Variants in LHFPL3 observed in about 807,000 individuals in gnomAD.
LHFPL3 encodes the protein LHFPL tetraspan subfamily member 3.
In LHFPL3, 5 loss-of-function variants were observed where a neutral mutation model predicts 19.3. The observed-to-expected ratio is 0.26, with a 90% confidence interval of 0.14 to 0.54. LHFPL3 has a LOEUF of 0.54. Among genes scored for constraint, LHFPL3 ranks in the 20% least tolerant of loss-of-function variants. The probability of loss-of-function intolerance (pLI) is 0.94; values close to 1 mark genes in which losing one functional copy is unlikely to be tolerated. For synonymous variants in LHFPL3, 133 were observed against 126.2 expected, an observed-to-expected ratio of 1.05 and a Z score of -0.36; for missense variants, 249 against 307.4, an observed-to-expected ratio of 0.81 and a Z score of 1.42.
At chr7:104,609,368 G>C (rs1158413562) in intron 1 of LHFPL3, among the ~76,000 whole-genome samples, 1 of 152,160 alleles carries the variant, frequency 6.6e-6, no homozygotes. Context: ...ATTAATGTAA[G>C]CAACTACCCA....
At chr7:104,752,662 A>G (rs2116348552) in intron 2 of LHFPL3, 1 of 363,494 alleles carries the variant, frequency 2.8e-6, no homozygotes, top group South Asian at 1.5e-4. Context: ...TTTTAATTTT[A>G]CTTTTAGTTT....
At chr7:104,396,479 G>T (rs1791186650) in intron 1 of LHFPL3, among the ~76,000 whole-genome samples, 1 of 151,994 alleles carries the variant, frequency 6.6e-6, no homozygotes, top group Non-Finnish European at 1.5e-5. Flanking sequence ...TGAGGATAGG[G>T]TTAAATACTA....
At chr7:104,403,141 C>T (rs1791348447) in intron 1 of LHFPL3, among the ~76,000 whole-genome samples, 1 of 152,092 alleles carries the variant, frequency 6.6e-6, no homozygotes, top group Non-Finnish European at 1.5e-5. Flanking sequence ...ATGTGTATAC[C>T]TATGTAACAA....
intron 2 of LHFPL3, among the ~76,000 whole-genome samples, chr7:104,868,323 G>T (rs1210649492): frequency 2.0e-5 from 3 of 152,190 alleles, no homozygotes; most frequent in Non-Finnish European, 2.9e-5. Context: ...TGTATGTCTA[G>T]AAAACCCCAT....
At chr7:104,430,404 AC>A (rs1791953535) in intron 1 of LHFPL3, among the ~76,000 whole-genome samples, 1 of 36,478 alleles carries the variant, frequency 2.7e-5, no homozygotes, top group African/African-American at 2.2e-4. Context: ...ATATATATAT[AC>A]ATATATATAT....
intron 1 of LHFPL3, among the ~76,000 whole-genome samples, chr7:104,355,476 A>C (rs1429608969): frequency 1.3e-5 from 2 of 152,326 alleles, no homozygotes; most frequent in East Asian, 1.9e-4. Context: ...GAGTAACTTG[A>C]AACTAAATTT....
intron 1 of LHFPL3, among the ~76,000 whole-genome samples, chr7:104,336,509 A>G (rs1168605998): frequency 6.6e-6 from 1 of 152,108 alleles, no homozygotes; most frequent in Non-Finnish European, 1.5e-5. Context: ...TGCTTAAAAA[A>G]AAAAAAAGAA....
chr7:104,388,794 C>A (rs1462073824), intron 1 of LHFPL3, among the ~76,000 whole-genome samples: 1 of 150,890 alleles, frequency 6.6e-6, no homozygotes, highest in Non-Finnish European at 1.5e-5. Context: ...TTCATAGATG[C>A]AGGAATAGCA....
chr7:104,667,888 T>C, intron 1 of LHFPL3: 3 of 1,612,406 alleles, frequency 1.9e-6, no homozygotes, highest in Non-Finnish European at 2.5e-6. Context: ...ACGGATGACC[T>C]GGAAGGAGAT....
intron 2 of LHFPL3, among the ~76,000 whole-genome samples, chr7:104,882,705 A>G (rs1046208624): frequency 6.6e-6 from 1 of 152,194 alleles, no homozygotes; most frequent in Non-Finnish European, 1.5e-5. Flanking sequence ...CTAAAATTAG[A>G]TAGTGGTGAT....
chr7:104,742,562 A>G (rs572122279), intron 2 of LHFPL3, among the ~76,000 whole-genome samples: 2 of 152,282 alleles, frequency 1.3e-5, no homozygotes, highest in Non-Finnish European at 2.9e-5. Flanking sequence ...AAGATTGTCC[A>G]CTTGGATCAA....
At chr7:104,336,141 A>G (rs1193629401) in intron 1 of LHFPL3, among the ~76,000 whole-genome samples, 1 of 152,222 alleles carries the variant, frequency 6.6e-6, no homozygotes, top group Non-Finnish European at 1.5e-5. Context: ...TAATGAGTCA[A>G]CTGGAATTTT....
chr7:104,746,266 C>T (rs1794044384), intron 2 of LHFPL3, among the ~76,000 whole-genome samples: 1 of 152,062 alleles, frequency 6.6e-6, no homozygotes, highest in Non-Finnish European at 1.5e-5. Context: ...GAACCAAGAT[C>T]ATGCCACTGC....
intron 1 of LHFPL3, among the ~76,000 whole-genome samples, chr7:104,454,917 C>T (rs73712142): frequency 0.011 from 1,719 of 152,222 alleles, 25 homozygotes; most frequent in African/African-American, 0.039. Context: ...TTCTTTGTTA[C>T]CACTGTCTTG....
chr7:104,464,221 A>T (rs1208529972), intron 1 of LHFPL3, among the ~76,000 whole-genome samples: 1 of 152,256 alleles, frequency 6.6e-6, no homozygotes, highest in South Asian at 2.1e-4. Flanking sequence ...TCACACAGAT[A>T]CAAGAGCTTG....
intron 1 of LHFPL3, among the ~76,000 whole-genome samples, chr7:104,615,687 C>G (rs929848604): frequency 6.6e-6 from 1 of 152,034 alleles, no homozygotes; most frequent in Non-Finnish European, 1.5e-5. Context: ...ACCCCCACCC[C>G]CTGACAGGCC....
chr7:104,357,783 GCTC>G (rs1417009455), intron 1 of LHFPL3, among the ~76,000 whole-genome samples: 1 of 142,140 alleles, frequency 7.0e-6, no homozygotes, highest in Non-Finnish European at 1.5e-5. Context: ...TCCTTCTCCT[GCTC>G]CTCCTTCTCC....
At chr7:104,408,864 C>CTTTTTTTTCTTTTTTTTTT (rs1791475803) in intron 1 of LHFPL3, among the ~76,000 whole-genome samples, 1 of 105,436 alleles carries the variant, frequency 9.5e-6, no homozygotes, top group African/African-American at 3.7e-5. Flanking sequence ...AATTTTCTTT[C>CTTTTTTTTCTTTTTTTTTT]TTTTTTTTTT....
chr7:104,588,558 C>G (rs1041753873), intron 1 of LHFPL3, among the ~76,000 whole-genome samples: 11 of 152,130 alleles, frequency 7.2e-5, no homozygotes, highest in Non-Finnish European at 1.6e-4. Context: ...CATGATGCCT[C>G]CAGTTTTGTT....
Sources: allele counts gnomAD v4.1 joint callset (sites outside exome capture counted in the v4.1 genomes callset), GRCh38; gene constraint gnomAD v4.1.1; transcripts MANE v1.5; gene names NCBI Gene and HGNC (gene_info 2026-07-23, HGNC 2026-07-21).